The following PCMTD1 variants were observed in gnomAD, a reference collection of about 807,000 sequenced individuals.
The protein encoded by PCMTD1 is protein-L-isoaspartate (D-aspartate) O-methyltransferase domain containing 1.
In PCMTD1, 12 loss-of-function variants were observed where a neutral mutation model predicts 37.6. The ratio of observed to expected loss-of-function variants is 0.32; its 90% CI spans 0.20 to 0.52. PCMTD1 has a LOEUF of 0.52. Ranked by LOEUF, PCMTD1 falls within the 20% of genes least tolerant of loss-of-function variation. The pLI is 0.97. For synonymous variants in PCMTD1, 117 were observed against 135.8 expected (o/e 0.86, Z 0.96); for missense variants, 235 against 421.3 (o/e 0.56, Z 3.87).
At chr8:51,893,254 ATTAG>A (rs957965926) in intron 1 of PCMTD1, among the ~76,000 whole-genome samples, 1 of 152,214 alleles carries the variant, frequency 6.6e-6, no homozygotes, top group Admixed American at 6.5e-5. Flanking sequence ...TTAATTACTT[ATTAG>A]TTAGATAAAC....
chr8:51,887,786 G>A (rs1231746967), intron 1 of PCMTD1, among the ~76,000 whole-genome samples: 1 of 143,306 alleles, frequency 7.0e-6, no homozygotes, highest in African/African-American at 2.5e-5. Context: ...TCTGTCACCA[G>A]GCTGGAGTGC....
chr8:51,833,729 A>C (rs1307616570), intron 3 of PCMTD1, 40 bp from the exon 4 acceptor site: 1 of 1,550,492 alleles, frequency 6.4e-7, no homozygotes, highest in Non-Finnish European at 8.7e-7. Flanking sequence ...ATTAAGCAAA[A>C]CATTAGATCT....
chr8:51,868,971 T>C (rs1246846810), intron 1 of PCMTD1, among the ~76,000 whole-genome samples: 2 of 152,196 alleles, frequency 1.3e-5, no homozygotes, highest in South Asian at 4.1e-4. Context: ...TGTTCAGGAC[T>C]TTCACTTAAT....
chr8:51,829,036 G>A (rs753540), intron 5 of PCMTD1, among the ~76,000 whole-genome samples: 104,617 of 152,090 alleles, frequency 0.69, 42,421 homozygotes, highest in Non-Finnish European at 0.9. Context: ...GAAAGTATAC[G>A]TTACTAACAA....
At chr8:51,833,819 TATTTA>T in intron 3 of PCMTD1, 130 bp from the exon 4 acceptor site, 1 of 568,116 alleles carries the variant, frequency 1.8e-6, no homozygotes, top group East Asian at 3.2e-5. Flanking sequence ...TTATAAACTT[TATTTA>T]AATATAATAT....
chr8:51,899,070 GCCAGAGCCTCCCGGACT>G, upstream of PCMTD1: 2 of 1,500,560 alleles, frequency 1.3e-6, no homozygotes. Flanking sequence ...GACTGGAGCA[GCCAGAGCCTCCCGGACT>G]CCGGAGCCGC....
At chr8:51,865,837 AT>A (rs2038547138) in intron 1 of PCMTD1, among the ~76,000 whole-genome samples, 1 of 152,010 alleles carries the variant, frequency 6.6e-6, no homozygotes, top group African/African-American at 2.4e-5. Context: ...GAAAAAAAAA[AT>A]AAAGGGCATC....
chr8:51,818,059 A>G lies in PCMTD1; in HGVS notation c.*2292T>C, dbSNP rs2037784921. On this transcript the variant is annotated 3_prime_UTR_variant, in exon 6 of 6. Coordinates refer to ENST00000522514, the MANE Select transcript of PCMTD1 (RefSeq NM_052937.4). Reference sequence around the variant, plus strand: ...TGCTACTTTTCCACCTATAAAGCGTAATTTTCCATATCAAGTAAACATAAA... The same window carrying G: ...TGCTACTTTTCCACCTATAAAGCGTGATTTTCCATATCAAGTAAACATAAA... 2.5e-6 allele frequency: 1 copy of G among 404,794 alleles called. No individual in the cohort carries two copies. Among genetic ancestry groups the G allele is most frequent in the Non-Finnish European group, 4.9e-6 (1 of 204,138 alleles). The allele number at this position is 404,794 out of a possible 1,614,324, so 25.1% of individuals were successfully genotyped here. A position where few individuals can be genotyped will look rare whatever the true frequency, so the allele number is the denominator to read the frequency against.
chr8:51,852,543 TTC>T (rs1034498424), intron 2 of PCMTD1, among the ~76,000 whole-genome samples: 5 of 152,206 alleles, frequency 3.3e-5, no homozygotes, highest in Admixed American at 2.6e-4. Flanking sequence ...CTAAATTTGC[TTC>T]TGACTCCAAG....
rs182194399 is a variant in PCMTD1 at position 51,879,926 on chromosome 8, T to C, written c.-95-18680A>G. Among the ~76,000 whole-genome samples the C allele has an allele frequency of 4.0e-3, 611 of 151,964 alleles. 24 individuals carry two copies. Among genetic ancestry groups the C allele is most frequent in the Admixed American group, 0.037 (558 of 15,264 alleles). On this transcript the variant is annotated intron_variant, in intron 1 of 5. Transcript: ENST00000522514. ...GGCCAGGTGCAGTGGCTCATGCCTA[T>C]AATCCCAGAACCTTGGAATGCCAAG...
chr8:51,843,667 G>C (rs1276235318), intron 3 of PCMTD1, among the ~76,000 whole-genome samples: 1 of 151,330 alleles, frequency 6.6e-6, no homozygotes, highest in East Asian at 1.9e-4. Context: ...AAACTTATTT[G>C]TGTTGTGATT....
intron 1 of PCMTD1, among the ~76,000 whole-genome samples, chr8:51,881,266 A>G (rs183716040): frequency 1.3e-5 from 2 of 152,162 alleles, no homozygotes; most frequent in East Asian, 1.9e-4. Flanking sequence ...TGGTGCCACT[A>G]AACATTTATA....
chr8:51,877,731 TG>T (rs1211690006), intron 1 of PCMTD1, among the ~76,000 whole-genome samples: 1 of 152,158 alleles, frequency 6.6e-6, no homozygotes, highest in Non-Finnish European at 1.5e-5. Context: ...ATATTATTCC[TG>T]GACTAGATCA....
intron 2 of PCMTD1, among the ~76,000 whole-genome samples, chr8:51,859,165 A>G (rs1051078281): frequency 3.3e-5 from 5 of 152,178 alleles, no homozygotes; most frequent in East Asian, 1.9e-4. Flanking sequence ...CTGGCCAAAC[A>G]TGGTATAAGG....
chr8:51,837,122 A>C (rs2038080054), intron 3 of PCMTD1, among the ~76,000 whole-genome samples: 1 of 152,168 alleles, frequency 6.6e-6, no homozygotes, highest in Non-Finnish European at 1.5e-5. Context: ...AAACAACATG[A>C]ATGTTTTTCC....
intron 3 of PCMTD1, 98 bp downstream of exon 3, chr8:51,845,560 TCAA>T: frequency 4.1e-6 from 3 of 736,648 alleles, no homozygotes; most frequent in Admixed American, 2.5e-5. Context: ...TTTGCTGCAT[TCAA>T]TTGAGCCAGT....
At chr8:51,870,129 C>G (rs78341570) in intron 1 of PCMTD1, 8,089 of 152,286 alleles carry the variant, frequency 0.053, 224 homozygotes, top group African/African-American at 0.078. Flanking sequence ...AAAATGAATG[C>G]TGACTCACTT....
At chr8:51,875,677 C>T (rs978855764) in intron 1 of PCMTD1, among the ~76,000 whole-genome samples, 1 of 152,108 alleles carries the variant, frequency 6.6e-6, no homozygotes, top group African/African-American at 2.4e-5. Context: ...GTGGCTCATG[C>T]CTATAATCTC....
intron 3 of PCMTD1, among the ~76,000 whole-genome samples, chr8:51,844,238 G>A (rs570572877): frequency 6.6e-6 from 1 of 152,142 alleles, no homozygotes; most frequent in South Asian, 2.1e-4. Context: ...GCTTTTCTTG[G>A]AACTAGGATA....
Sources: allele counts gnomAD v4.1 joint callset (sites outside exome capture counted in the v4.1 genomes callset), GRCh38; gene constraint gnomAD v4.1.1; transcripts MANE v1.5; gene names NCBI Gene and HGNC (gene_info 2026-07-23, HGNC 2026-07-21).